FKTN: variants seen among roughly 807,000 people sequenced by gnomAD.
FKTN encodes ribitol-5-phosphate transferase FKTN.
In FKTN, 47 loss-of-function variants were observed where a neutral mutation model predicts 58.6. That is an observed-to-expected ratio of 0.80 (90% confidence interval 0.63 to 1.02). The LOEUF (loss-of-function observed/expected upper bound fraction) is 1.02, where lower values mean the gene tolerates loss of function less well. Among genes scored for constraint, FKTN ranks in the 50% least tolerant of loss-of-function variants. The probability of loss-of-function intolerance (pLI) is 0.00; values close to 1 mark genes in which losing one functional copy is unlikely to be tolerated. For missense variants in FKTN, 516 were observed against 537.3 expected (o/e 0.96, Z 0.39); for synonymous variants, 178 against 191.9 (o/e 0.93, Z 0.60).
intron 1 of FKTN, among the ~76,000 whole-genome samples, chr9:105,570,142 C>CT (rs147522044): frequency 0.011 from 1,649 of 148,264 alleles, 24 homozygotes; most frequent in African/African-American, 0.031. Flanking sequence ...TTTTAAAAAT[C>CT]TTTTTTTTTT....
chr9:105,582,776 A>G (rs1488087260), intron 3 of FKTN, among the ~76,000 whole-genome samples: 2 of 152,186 alleles, frequency 1.3e-5, no homozygotes, highest in Non-Finnish European at 2.9e-5. Context: ...TTTTTGTTAT[A>G]TATTACAAAG....
intron 3 of FKTN, among the ~76,000 whole-genome samples, chr9:105,591,063 C>T (rs1844780184): frequency 6.6e-6 from 1 of 152,130 alleles, no homozygotes; most frequent in Non-Finnish European, 1.5e-5. Context: ...CTAAACCATT[C>T]ATGACAAACT....
intron 3 of FKTN, among the ~76,000 whole-genome samples, chr9:105,588,543 G>A (rs1272311839): frequency 2.0e-5 from 3 of 152,170 alleles, no homozygotes; most frequent in African/African-American, 7.2e-5. Flanking sequence ...GGGGATGAAG[G>A]GGAGAGAGGT....
chr9:105,620,480 C>T (rs1167926863), intron 10 of FKTN, among the ~76,000 whole-genome samples: 3 of 152,088 alleles, frequency 2.0e-5, no homozygotes, highest in East Asian at 1.9e-4. Context: ...CTATTCTGAA[C>T]GTTTTACATA....
intron 1 of FKTN, among the ~76,000 whole-genome samples, chr9:105,563,073 G>A (rs1429828747): frequency 6.6e-6 from 1 of 152,184 alleles, no homozygotes; most frequent in Admixed American, 6.5e-5. Context: ...TGGGGCTGGA[G>A]GAGGTGTCAG....
At chr9:105,572,639 A>C (rs187273636) in intron 1 of FKTN, among the ~76,000 whole-genome samples, 1 of 152,206 alleles carries the variant, frequency 6.6e-6, no homozygotes, top group Non-Finnish European at 1.5e-5. Flanking sequence ...CAAGAAAGGA[A>C]GAGTGAATGA....
At chr9:105,595,164 G>A (rs927070046) in intron 3 of FKTN, among the ~76,000 whole-genome samples, 4 of 152,092 alleles carry the variant, frequency 2.6e-5, no homozygotes, top group Admixed American at 1.3e-4. Flanking sequence ...TATGATTGGG[G>A]CTGAGTGGAG....
At chr9:105,569,211 C>A (rs1840283735) in intron 1 of FKTN, among the ~76,000 whole-genome samples, 1 of 152,042 alleles carries the variant, frequency 6.6e-6, no homozygotes, top group African/African-American at 2.4e-5. Flanking sequence ...ATGGGTACAG[C>A]ACACCAACAT....
chr9:105,594,287 T>G (rs1826336297), intron 3 of FKTN, among the ~76,000 whole-genome samples: 1 of 152,142 alleles, frequency 6.6e-6, no homozygotes, highest in Admixed American at 6.5e-5. Flanking sequence ...TATTTTCAAA[T>G]TTCTTTTTTC....
intron 1 of FKTN, among the ~76,000 whole-genome samples, chr9:105,570,272 A>G (rs1014580643): frequency 6.6e-5 from 10 of 152,096 alleles, no homozygotes; most frequent in Admixed American, 5.2e-4. Context: ...CATACTTACT[A>G]TTACTTGATG....
At position 105,640,634 on chromosome 9, in the gene FKTN, C is replaced by G. The variant is rs1834360812; in HGVS notation, c.*5370C>G. On this transcript the variant is annotated 3_prime_UTR_variant, in exon 11 of 11. Coordinates refer to ENST00000357998, the MANE Select transcript of FKTN (RefSeq NM_001079802.2). Reference sequence around the variant, plus strand: ...ACCCTAGAATACCCCCTGGCACCTTCTAACCCAACCTAATACAGAGATTTT... The same window carrying G: ...ACCCTAGAATACCCCCTGGCACCTTGTAACCCAACCTAATACAGAGATTTT... 1.3e-5 allele frequency: 2 copies of G among 152,198 alleles called. No individual in the cohort carries two copies. The highest frequency in any genetic ancestry group is 6.5e-5 in the Admixed American group (1 of 15,278). 9.4% of individuals were successfully genotyped at this position (152,198 alleles called of 1,614,324 possible). A position where few individuals can be genotyped will look rare whatever the true frequency, so the allele number is the denominator to read the frequency against.
intron 1 of FKTN, among the ~76,000 whole-genome samples, chr9:105,560,996 A>G (rs960278139): frequency 6.6e-6 from 1 of 152,126 alleles, no homozygotes; most frequent in African/African-American, 2.4e-5. Flanking sequence ...CTGAGGTAGG[A>G]GAATCACTTG....
intron 4 of FKTN, among the ~76,000 whole-genome samples, chr9:105,598,335 T>C (rs1827208528): frequency 6.6e-6 from 1 of 152,078 alleles, no homozygotes; most frequent in African/African-American, 2.4e-5. Flanking sequence ...ATCTCATCAA[T>C]AGTGTGATAT....
chr9:105,569,355 A>G (rs1177606471), intron 1 of FKTN, among the ~76,000 whole-genome samples: 3 of 152,298 alleles, frequency 2.0e-5, no homozygotes, highest in Non-Finnish European at 4.4e-5. Flanking sequence ...AGAGCCTGAG[A>G]ATTATCTTGA....
At chr9:105,609,111 G>A (rs776722852) in intron 7 of FKTN, among the ~76,000 whole-genome samples, 1 of 152,132 alleles carries the variant, frequency 6.6e-6, no homozygotes, top group Non-Finnish European at 1.5e-5. Flanking sequence ...TGTTGGCCCA[G>A]TATCTACTGT....
chr9:105,564,758 G>C (rs919373517), intron 1 of FKTN, among the ~76,000 whole-genome samples: 2 of 152,190 alleles, frequency 1.3e-5, no homozygotes, highest in Non-Finnish European at 2.9e-5. Flanking sequence ...CCCCAACCTA[G>C]CAAGGCAGGC....
rs879355242 is a variant in FKTN at position 105,612,968 on chromosome 9, CA to C, written c.781-2299del. Among the ~76,000 whole-genome samples, 143 of 131,786 alleles carry C rather than the reference CA, an allele frequency of 1.1e-3. 2 individuals carry two copies. The Middle Eastern group carries it at 0.012, about 11-fold the overall frequency. 86.5% of individuals were successfully genotyped at this position (131,786 alleles called of 152,430 possible). On this transcript the variant is annotated intron_variant, in intron 7 of 10. Coordinates refer to ENST00000357998, the MANE Select transcript of FKTN (RefSeq NM_001079802.2). ...CAACAGAGAGAGGAGACTTTGTCTC[CA>C]AAAAAAAAAAGAAATGGAATTTCTG...
At chr9:105,626,934 T>C (rs1369338645) in intron 10 of FKTN, among the ~76,000 whole-genome samples, 1 of 152,078 alleles carries the variant, frequency 6.6e-6, no homozygotes, top group Admixed American at 6.6e-5. Context: ...TCTGTCTTTT[T>C]CTTACTTGAA....
At chr9:105,592,611 T>A (rs886260867) in intron 3 of FKTN, among the ~76,000 whole-genome samples, 1 of 152,192 alleles carries the variant, frequency 6.6e-6, no homozygotes, top group African/African-American at 2.4e-5. Flanking sequence ...CAATCCAGCT[T>A]GGGCAACAAG....
Sources: gnomAD v4.1 joint callset for allele counts (sites outside exome capture counted in the v4.1 genomes callset) on GRCh38, gnomAD v4.1.1 for gene constraint, MANE v1.5 for transcripts, NCBI Gene and HGNC (gene_info 2026-07-23, HGNC 2026-07-21) for gene names.